Variants in GUCY1A2 observed in about 807,000 individuals in gnomAD.
GUCY1A2 encodes the protein guanylate cyclase 1 soluble subunit alpha 2.
A neutral mutation model predicts 63.5 loss-of-function variants in GUCY1A2; 27 were observed. The ratio of observed to expected loss-of-function variants is 0.43; its 90% CI spans 0.31 to 0.59. The LOEUF (loss-of-function observed/expected upper bound fraction) is 0.59. GUCY1A2 is among the 20% of genes least tolerant of loss of function. The pLI is 0.11. For missense variants in GUCY1A2, 768 were observed against 913.3 expected (o/e 0.84, Z 2.05); for synonymous variants, 364 against 343.5 (o/e 1.06, Z -0.66).
At chr11:106,812,270 CAT>C (rs1858771999) in intron 4 of GUCY1A2, among the ~76,000 whole-genome samples, 1 of 151,816 alleles carries the variant, frequency 6.6e-6, no homozygotes, top group African/African-American at 2.4e-5. Flanking sequence ...ATCTGATACT[CAT>C]ATATTTAAAC....
intron 6 of GUCY1A2, among the ~76,000 whole-genome samples, chr11:106,734,597 T>C (rs945368841): frequency 6.6e-6 from 1 of 152,190 alleles, no homozygotes; most frequent in African/African-American, 2.4e-5. Flanking sequence ...TATTTTTTAT[T>C]ATATTCATTC....
chr11:106,908,225 A>T (rs1405251099), intron 4 of GUCY1A2, among the ~76,000 whole-genome samples: 1 of 152,026 alleles, frequency 6.6e-6, no homozygotes, highest in East Asian at 1.9e-4. Flanking sequence ...TTATCATTAG[A>T]CCTTTCTTTA....
chr11:106,775,401 CA>C (rs144660274), intron 6 of GUCY1A2, among the ~76,000 whole-genome samples: 1,808 of 151,868 alleles, frequency 0.012, 34 homozygotes, highest in African/African-American at 0.042. Context: ...TGGCATCCTC[CA>C]GGGGGGAATA....
intron 3 of GUCY1A2, among the ~76,000 whole-genome samples, chr11:106,960,061 C>T (rs189835631): frequency 4.6e-5 from 7 of 152,296 alleles, no homozygotes; most frequent in Non-Finnish European, 1.0e-4. Context: ...AATCTTTCCA[C>T]ATAGTTCTCA....
At chr11:106,735,821 C>A (rs1468973272) in intron 6 of GUCY1A2, among the ~76,000 whole-genome samples, 1 of 152,048 alleles carries the variant, frequency 6.6e-6, no homozygotes, top group Non-Finnish European at 1.5e-5. Flanking sequence ...TGGATAAAAG[C>A]CATTTTTATC....
intron 7 of GUCY1A2, among the ~76,000 whole-genome samples, chr11:106,701,865 CTT>C (rs1360297877): frequency 6.6e-6 from 1 of 152,140 alleles, no homozygotes; most frequent in Non-Finnish European, 1.5e-5. Context: ...ATTGTAAACA[CTT>C]ATCAAAATAT....
At chr11:106,909,694 C>T (rs145739076) in intron 4 of GUCY1A2, among the ~76,000 whole-genome samples, 1 of 152,092 alleles carries the variant, frequency 6.6e-6, no homozygotes, top group East Asian at 1.9e-4. Context: ...TAGCTCCATC[C>T]TCTTTATGGC....
At chr11:106,724,676 T>G (rs1330457163) in intron 6 of GUCY1A2, among the ~76,000 whole-genome samples, 1 of 152,240 alleles carries the variant, frequency 6.6e-6, no homozygotes, top group Non-Finnish European at 1.5e-5. Flanking sequence ...TGCAATATAT[T>G]ATCTGCCTGC....
chr11:106,678,231 A>G lies in GUCY1A2; in HGVS notation c.*9318T>C. The G allele has an allele frequency of 5.0e-6, 1 of 200,120 alleles. No individual in the cohort carries two copies. The highest frequency in any genetic ancestry group is 1.9e-4 in the South Asian group (1 of 5,240). 12.4% of individuals were successfully genotyped at this position (200,120 alleles called of 1,614,324 possible). A position where few individuals can be genotyped will look rare whatever the true frequency, so the allele number is the denominator to read the frequency against. On this transcript the variant is annotated 3_prime_UTR_variant, in exon 8 of 8. Coordinates refer to ENST00000526355, the MANE Select transcript of GUCY1A2 (RefSeq NM_000855.3). Reference sequence around the variant, plus strand: ...CATCAGAAATAATTTCTTCTTTTTGAGAATACTTTGTAGTCAAAGAATACA... The same window carrying G: ...CATCAGAAATAATTTCTTCTTTTTGGGAATACTTTGTAGTCAAAGAATACA...
chr11:106,704,630 G>C (rs1490582785), intron 7 of GUCY1A2, among the ~76,000 whole-genome samples: 5 of 152,160 alleles, frequency 3.3e-5, no homozygotes, highest in African/African-American at 1.2e-4. Flanking sequence ...AATGAGAAAA[G>C]CAAAAATGTT....
chr11:106,973,588 G>A (rs1861224373), intron 3 of GUCY1A2, among the ~76,000 whole-genome samples: 2 of 151,984 alleles, frequency 1.3e-5, no homozygotes, highest in East Asian at 3.9e-4. Context: ...CTGGAAAGGT[G>A]GTGTGTAATT....
chr11:106,929,791 T>C (rs886627540), intron 4 of GUCY1A2, among the ~76,000 whole-genome samples: 6 of 152,166 alleles, frequency 3.9e-5, no homozygotes, highest in African/African-American at 1.4e-4. Flanking sequence ...AAATCTACTT[T>C]CTTATAACAT....
intron 3 of GUCY1A2, among the ~76,000 whole-genome samples, chr11:106,948,279 T>C (rs1305439683): frequency 1.3e-5 from 2 of 152,162 alleles, no homozygotes; most frequent in Admixed American, 6.5e-5. Flanking sequence ...ATTTCTCTTA[T>C]GAATATTTGC....
intron 7 of GUCY1A2, among the ~76,000 whole-genome samples, chr11:106,698,015 ATGT>A (rs1318308867): frequency 6.6e-6 from 1 of 151,726 alleles, no homozygotes; most frequent in Non-Finnish European, 1.5e-5. Context: ...TTCTTTGATC[ATGT>A]TGTTTCCAGG....
chr11:106,953,450 C>T (rs936964346), intron 3 of GUCY1A2, among the ~76,000 whole-genome samples: 5 of 152,108 alleles, frequency 3.3e-5, no homozygotes, highest in Non-Finnish European at 7.3e-5. Flanking sequence ...ATTTTTGCAT[C>T]GATGTTCATC....
chr11:106,706,564 C>T (rs766152723), intron 7 of GUCY1A2, among the ~76,000 whole-genome samples: 4 of 146,764 alleles, frequency 2.7e-5, no homozygotes, highest in South Asian at 2.2e-4. Context: ...TTTTTTAATA[C>T]ATCACTATGT....
chr11:106,832,127 C>G (rs1282793236), intron 4 of GUCY1A2, among the ~76,000 whole-genome samples: 1 of 152,118 alleles, frequency 6.6e-6, no homozygotes, highest in Non-Finnish European at 1.5e-5. Context: ...TGGTTTTATG[C>G]TCGTTCAACA....
At chr11:106,922,237 T>A (rs1051912827) in intron 4 of GUCY1A2, among the ~76,000 whole-genome samples, 1 of 152,144 alleles carries the variant, frequency 6.6e-6, no homozygotes, top group East Asian at 1.9e-4. Flanking sequence ...CTTTAAAATG[T>A]TAAGGTGAAA....
chr11:106,874,293 G>A (rs907565560), intron 4 of GUCY1A2, among the ~76,000 whole-genome samples: 15 of 152,050 alleles, frequency 9.9e-5, no homozygotes, highest in African/African-American at 3.1e-4. Flanking sequence ...GAATAGGATC[G>A]AATACAGAAA....
Sources: allele counts gnomAD v4.1 joint callset (sites outside exome capture counted in the v4.1 genomes callset), GRCh38; gene constraint gnomAD v4.1.1; transcripts MANE v1.5; gene names NCBI Gene and HGNC (gene_info 2026-07-23, HGNC 2026-07-21).